LRPAP1: variants seen among roughly 807,000 people sequenced by gnomAD.
The protein encoded by LRPAP1 is alpha-2-macroglobulin receptor-associated protein.
LRPAP1 carries 41 observed loss-of-function variants against 39.9 expected under a neutral mutation model. The ratio of observed to expected loss-of-function variants is 1.03; its 90% CI spans 0.80 to 1.33. The LOEUF is 1.33. Ranked by LOEUF, LRPAP1 falls within the 40% of genes most tolerant of loss-of-function variation. The pLI is 0.00. For synonymous variants in LRPAP1, 263 were observed against 212.7 expected (o/e 1.24, Z -2.06); for missense variants, 565 against 482.3 (o/e 1.17, Z -1.61).
At position 3,514,110 on chromosome 4, in the gene LRPAP1, C is replaced by T. The variant is rs372086863; in HGVS notation, c.1011+642G>A. Reference sequence around the variant, plus strand: ...CTGAGCTCCTGCCCACGGGCAAGGGCCACAGGCTGCTCTCCTGCACATTCT... The same window carrying T: ...CTGAGCTCCTGCCCACGGGCAAGGGTCACAGGCTGCTCTCCTGCACATTCT... On this transcript the variant is annotated intron_variant, in intron 7 of 7. Coordinates refer to ENST00000650182, the MANE Select transcript of LRPAP1 (RefSeq NM_002337.4). Among the ~76,000 whole-genome samples the T allele has an allele frequency of 5.9e-5, 9 of 152,276 alleles. No homozygotes were observed. In the East Asian group the frequency reaches 9.6e-4, roughly 16 times the overall value.
At chr4:3,527,581 C>T (rs1394538625) in intron 1 of LRPAP1, among the ~76,000 whole-genome samples, 1 of 152,240 alleles carries the variant, frequency 6.6e-6, no homozygotes, top group Non-Finnish European at 1.5e-5. Context: ...AGATGCGAGG[C>T]CCACAGTGAT....
At chr4:3,516,230 G>T in intron 5 of LRPAP1, 32 bp from the exon 6 acceptor site, 1 of 1,528,896 alleles carries the variant, frequency 6.5e-7, no homozygotes, top group Non-Finnish European at 8.9e-7. Context: ...GGCCTCAGCA[G>T]CACCCGGGGT....
In LRPAP1 at chr4:3,504,986, C is replaced by T. The variant is rs1729310432; in HGVS notation, c.*7988G>A. Among the ~76,000 whole-genome samples, 1 of 152,170 alleles carries T rather than the reference C, an allele frequency of 6.6e-6. No individual in the cohort carries two copies. Among genetic ancestry groups the T allele is most frequent in the South Asian group, 2.1e-4 (1 of 4,808 alleles). Reference sequence around the variant, plus strand: ...TAACAAAGAACAGAAGACAACATGACCCCACAAGTGAACCAGAGGGAAAGA... The same window carrying T: ...TAACAAAGAACAGAAGACAACATGATCCCACAAGTGAACCAGAGGGAAAGA... On this transcript the variant is annotated 3_prime_UTR_variant, in exon 8 of 8. Coordinates refer to ENST00000650182, the MANE Select transcript of LRPAP1 (RefSeq NM_002337.4).
chr4:3,524,676 C>T (rs1044097111), intron 2 of LRPAP1, among the ~76,000 whole-genome samples: 2 of 152,232 alleles, frequency 1.3e-5, no homozygotes, highest in Non-Finnish European at 2.9e-5. Flanking sequence ...TTAGCCCCCC[C>T]AAACACTGAA....
chr4:3,504,236 G>C lies in LRPAP1; in HGVS notation c.*8738C>G, dbSNP rs1577196911. The C allele has an allele frequency of 6.6e-6, 1 of 152,292 alleles. No homozygotes were observed. Among genetic ancestry groups the C allele is most frequent in the East Asian group, 1.9e-4 (1 of 5,204 alleles). 9.4% of individuals were successfully genotyped at this position (152,292 alleles called of 1,614,324 possible). A position where few individuals can be genotyped will look rare whatever the true frequency, so the allele number is the denominator to read the frequency against. On this transcript the variant is annotated 3_prime_UTR_variant, in exon 8 of 8. Transcript: ENST00000650182. ...TCAGAAAGCCTCAGCCCCAAACCCGGTCTCAGAGGCTTAAGAACCCTCTCC... is the reference window on the plus strand; with the variant it reads ...TCAGAAAGCCTCAGCCCCAAACCCGCTCTCAGAGGCTTAAGAACCCTCTCC...
chr4:3,518,865 G>C lies in LRPAP1; in HGVS notation c.592+6C>G. ...GAGGGCAGGAGGGGGTGGGGGCGGG[G>C]GGCACCTTCGGTCCTGCTCAGGGTC... is the stretch of plus-strand genomic sequence containing the variant. On this transcript the variant is annotated splice_donor_region_variant and intron_variant, in intron 4 of 7. Transcript: ENST00000650182. The C allele has an allele frequency of 6.4e-7, 1 of 1,563,212 alleles. No individual in the cohort carries two copies. The highest frequency in any genetic ancestry group is 8.7e-7 in the Non-Finnish European group (1 of 1,152,638).
chr4:3,516,307 G>A (rs766746188), intron 5 of LRPAP1, 109 bp from the exon 6 acceptor site: 7 of 790,664 alleles, frequency 8.9e-6, no homozygotes, highest in African/African-American at 3.6e-5. Flanking sequence ...GTTTGCAGGC[G>A]CGACCTGCAT....
At chr4:3,521,998 A>T (rs1169762286) in intron 2 of LRPAP1, among the ~76,000 whole-genome samples, 1 of 152,266 alleles carries the variant, frequency 6.6e-6, no homozygotes, top group Non-Finnish European at 1.5e-5. Flanking sequence ...TAAATAAATA[A>T]TACCGGCTGT....
intron 2 of LRPAP1, among the ~76,000 whole-genome samples, chr4:3,522,042 C>A (rs1218346424): frequency 2.0e-5 from 3 of 152,196 alleles, no homozygotes; most frequent in Non-Finnish European, 4.4e-5. Flanking sequence ...TAAATACATA[C>A]AAAAATACAC....
intron 7 of LRPAP1, among the ~76,000 whole-genome samples, chr4:3,514,283 G>C (rs1577203348): frequency 6.6e-6 from 1 of 152,362 alleles, no homozygotes; most frequent in South Asian, 2.1e-4. Flanking sequence ...GCTCCCTCCA[G>C]AAAGAACTTG....
At position 3,507,431 on chromosome 4, in the gene LRPAP1, A is replaced by G. The variant is rs1729386575; in HGVS notation, c.*5543T>C. ...TGTTACTGATTTCCTCCTCAATTGC[A>G]CTCTGGCCAAAGAATGTGATTTGTA... On this transcript the variant is annotated 3_prime_UTR_variant, in exon 8 of 8. Coordinates refer to ENST00000650182, the MANE Select transcript of LRPAP1 (RefSeq NM_002337.4). 1 of 152,072 alleles carries G rather than the reference A, an allele frequency of 6.6e-6. No individual in the cohort carries two copies. Among genetic ancestry groups the G allele is most frequent in the African/African-American group, 2.4e-5 (1 of 41,380 alleles). 9.4% of individuals were successfully genotyped at this position (152,072 alleles called of 1,614,324 possible).
intron 1 of LRPAP1, among the ~76,000 whole-genome samples, chr4:3,529,347 C>G (rs761056420): frequency 5.3e-5 from 8 of 151,842 alleles, no homozygotes; most frequent in Non-Finnish European, 1.0e-4. Flanking sequence ...AACAAAAAAC[C>G]AAAAAAACTA....
Position 3,504,812 on chromosome 4 carries a change from T to C in LRPAP1, c.*8162A>G, listed in dbSNP as rs1027503026. 2.0e-5 allele frequency among the ~76,000 whole-genome samples: 3 copies of C among 148,462 alleles called. No homozygotes were observed. The highest frequency in any genetic ancestry group is 3.0e-5 in the Non-Finnish European group (2 of 67,616). ...ACACAGAAAAATTAGCTGGGTATGG[T>C]GGCAGGTGCCCATAATCCCAGCTAC... On this transcript the variant is annotated 3_prime_UTR_variant, in exon 8 of 8. Coordinates refer to ENST00000650182, the MANE Select transcript of LRPAP1 (RefSeq NM_002337.4).
chr4:3,518,378 G>GACAGGCGAA (rs1344958725), intron 4 of LRPAP1, among the ~76,000 whole-genome samples, 186 bp from the exon 5 acceptor site: 6 of 152,272 alleles, frequency 3.9e-5, no homozygotes, highest in African/African-American at 7.2e-5. Context: ...TTCCAGGCGA[G>GACAGGCGAA]ACAGGCGAGA....
chr4:3,529,016 C>T (rs867246), intron 1 of LRPAP1, among the ~76,000 whole-genome samples: 102,904 of 152,026 alleles, frequency 0.68, 35,673 homozygotes, highest in East Asian at 0.92. Context: ...TCACCATTCA[C>T]GTCAGAACTA....
At chr4:3,530,746 A>G (rs1480056357) in intron 1 of LRPAP1, among the ~76,000 whole-genome samples, 1 of 152,154 alleles carries the variant, frequency 6.6e-6, no homozygotes, top group Non-Finnish European at 1.5e-5. Flanking sequence ...TGGGCTGACA[A>G]AGACAGAGGA....
intron 5 of LRPAP1, chr4:3,517,831 C>A: frequency 3.7e-6 from 2 of 544,746 alleles, no homozygotes; most frequent in Non-Finnish European, 6.1e-6. Context: ...AGGTACAAGG[C>A]TGGGGACGGC....
rs752280001 is a variant in LRPAP1, at chr4:3,532,396, A to G, written c.17T>C (p.Val6Ala). ...CGGGAGCCCGCGCAGAAACGACCTG[A>G]CCCTCCGCGGCGCCATCTTCCTCTG... MAPRR[V>A]RSFLRGLPAL... Residue 6 changes from valine (V) to alanine (A), a missense_variant, in exon 1 of 8, where the codon GTC becomes GCC. Transcript: ENST00000650182. 14 of 1,578,516 alleles carry G rather than the reference A, an allele frequency of 8.9e-6. No individual in the cohort carries two copies. The highest frequency in any genetic ancestry group is 3.6e-5 in the Admixed American group (2 of 56,182).
At chr4:3,521,709 G>T (rs761153263) in intron 2 of LRPAP1, among the ~76,000 whole-genome samples, 12 of 152,240 alleles carry the variant, frequency 7.9e-5, no homozygotes, top group Non-Finnish European at 1.5e-4. Context: ...CTGTGGTCTT[G>T]TCCCTGAGGA....
Sources: gnomAD v4.1 joint callset for allele counts (sites outside exome capture counted in the v4.1 genomes callset) on GRCh38, gnomAD v4.1.1 for gene constraint, MANE v1.5 for transcripts, NCBI Gene and HGNC (gene_info 2026-07-23, HGNC 2026-07-21) for gene names.